The following GABRA5 variants were observed in gnomAD, a reference collection of about 807,000 sequenced individuals.
GABRA5 encodes the protein gamma-aminobutyric acid type A receptor subunit alpha5.
In GABRA5, 18 loss-of-function variants were observed where a neutral mutation model predicts 47.3. The observed-to-expected ratio is 0.38, with a 90% CI of 0.26 to 0.56. The LOEUF (loss-of-function observed/expected upper bound fraction) is 0.56. Among genes scored for constraint, GABRA5 ranks in the 20% least tolerant of loss-of-function variants. The probability of loss-of-function intolerance (pLI) is 0.71; values close to 1 mark genes in which losing one functional copy is unlikely to be tolerated. For missense variants in GABRA5, 365 were observed against 599.3 expected (o/e 0.61, Z 4.08); for synonymous variants, 237 against 229.3 (o/e 1.03, Z -0.30).
rs1894559974 is a variant in GABRA5, at chr15:26,948,153, T to C, written c.1309T>C (p.Phe437Leu). 1 of 1,613,830 alleles carries C rather than the reference T, an allele frequency of 6.2e-7. No individual in the cohort carries two copies. The change falls in exon 11 of 11, where the codon TTC becomes CTC. Residue 437 changes from phenylalanine (F) to leucine (L), a missense_variant. By Grantham distance (22) the Phe-to-Leu change is conservative (BLOSUM62 0). Around this residue, in one of 3 missense-constraint regions of GABRA5, gnomAD observed 106 missense variants for 130.3 expected, o/e 0.81. Transcript: ENST00000335625. ...GTCCCGAATCGTATTCCCAGTCTTGTTCGGCACTTTCAACTTAGTTTACTG... is the reference window on the plus strand; with the variant it reads ...GTCCCGAATCGTATTCCCAGTCTTGCTCGGCACTTTCAACTTAGTTTACTG... Reference protein sequence around the residue: ...KMSRIVFPVLFGTFNLVYWAT... With the variant: ...KMSRIVFPVLLGTFNLVYWAT...
At chr15:26,915,162 C>G (rs1233504297) in intron 7 of GABRA5, among the ~76,000 whole-genome samples, 1 of 152,206 alleles carries the variant, frequency 6.6e-6, no homozygotes, top group Non-Finnish European at 1.5e-5. Context: ...TGTTTCTCCT[C>G]AGATCTCAAC....
At chr15:26,868,013 G>A (rs1892363931) in intron 1 of GABRA5, 1 of 151,950 alleles carries the variant, frequency 6.6e-6, no homozygotes, top group Non-Finnish European at 1.5e-5. Flanking sequence ...CGGACCGCGC[G>A]GGTGGCGACC....
chr15:26,915,532 AAAATGTAATC>A (rs2140295498), intron 7 of GABRA5, among the ~76,000 whole-genome samples: 1 of 152,360 alleles, frequency 6.6e-6, no homozygotes, highest in Non-Finnish European at 1.5e-5. Context: ...GTCTTACAGG[AAAATGTAATC>A]CATTTTCTTT....
chr15:26,927,491 A>G (rs545745915), intron 7 of GABRA5, among the ~76,000 whole-genome samples: 13 of 152,316 alleles, frequency 8.5e-5, no homozygotes, highest in African/African-American at 2.9e-4. Flanking sequence ...TATTATTACT[A>G]TGAAAAACAA....
In GABRA5 at chr15:26,930,006, C is replaced by CTTTTTTTTTTTTTTTTT. The variant is rs72082419; in HGVS notation, c.581-7163_581-7162insTTTTTTTTTTTTTTTTT. Among the ~76,000 whole-genome samples, 18 of 113,376 alleles carry CTTTTTTTTTTTTTTTTT rather than the reference C, an allele frequency of 1.6e-4. 1 individual carries two copies. In the East Asian group the frequency reaches 2.1e-3, roughly 13 times the overall value. The allele number at this position is 113,376 out of a possible 152,430, so 74.4% of individuals were successfully genotyped here. On this transcript the variant is annotated intron_variant, in intron 7 of 10. Coordinates refer to ENST00000335625, the MANE Select transcript of GABRA5 (RefSeq NM_000810.4). ...CTTTCTTCTTCTTCTTCTTCTTCTTCTTTTTTTTTTTTTTTTGTTTTTTGT... is the reference window on the plus strand; with the variant it reads ...CTTTCTTCTTCTTCTTCTTCTTCTTCTTTTTTTTTTTTTTTTTTTTTTTTTTTTTTTTTGTTTTTTGT...
At chr15:26,937,977 G>A (rs1262987043) in intron 8 of GABRA5, among the ~76,000 whole-genome samples, 1 of 152,218 alleles carries the variant, frequency 6.6e-6, no homozygotes, top group African/African-American at 2.4e-5. Flanking sequence ...GAGCAAGGGA[G>A]GGGATTTTGA....
chr15:26,942,823 T>C (rs1289163476), intron 9 of GABRA5, among the ~76,000 whole-genome samples: 1 of 152,124 alleles, frequency 6.6e-6, no homozygotes, highest in Non-Finnish European at 1.5e-5. Context: ...CAGGCTGGGA[T>C]TAAAATCACC....
chr15:26,937,760 T>C (rs1288732685), intron 8 of GABRA5, among the ~76,000 whole-genome samples: 1 of 152,232 alleles, frequency 6.6e-6, no homozygotes, highest in Non-Finnish European at 1.5e-5. Flanking sequence ...AGGAAGCAGA[T>C]GCTCTCAATG....
At chr15:26,880,819 G>A (rs545741137) in intron 3 of GABRA5, 27 bp from the exon 4 acceptor site, 43 of 1,610,708 alleles carry the variant, frequency 2.7e-5, no homozygotes, top group Admixed American at 2.3e-4. Context: ...ATGTTTTAAC[G>A]CTTCCTCTTG....
intron 6 of GABRA5, among the ~76,000 whole-genome samples, chr15:26,908,643 T>C (rs1006770240): frequency 7.2e-5 from 11 of 152,216 alleles, no homozygotes; most frequent in Non-Finnish European, 1.6e-4. Flanking sequence ...TTCTGTAGCA[T>C]CAATCTTTAG....
chr15:26,939,149 C>T, intron 8 of GABRA5: 1 of 740,050 alleles, frequency 1.4e-6, no homozygotes, highest in East Asian at 2.4e-5. Context: ...TTCCCATCTC[C>T]CCAAGGTGAG....
chr15:26,895,812 C>CAAAA (rs376170037), intron 6 of GABRA5, among the ~76,000 whole-genome samples: 34 of 123,262 alleles, frequency 2.8e-4, no homozygotes, highest in African/African-American at 1.2e-3. Flanking sequence ...AAGACTCCGT[C>CAAAA]AAAAAAAAAA....
At chr15:26,875,384 T>A (rs1892570999) in intron 3 of GABRA5, among the ~76,000 whole-genome samples, 1 of 152,206 alleles carries the variant, frequency 6.6e-6, no homozygotes, top group Non-Finnish European at 1.5e-5. Flanking sequence ...CTGTTCCAGG[T>A]ACTGAGATGC....
At chr15:26,896,696 C>T (rs1405223310) in intron 6 of GABRA5, among the ~76,000 whole-genome samples, 2 of 151,664 alleles carry the variant, frequency 1.3e-5, no homozygotes, top group African/African-American at 4.8e-5. Flanking sequence ...TACACACTGG[C>T]CTAAAGATGT....
intron 7 of GABRA5, among the ~76,000 whole-genome samples, chr15:26,931,727 G>C (rs1894112232): frequency 6.6e-6 from 1 of 152,172 alleles, no homozygotes; most frequent in Admixed American, 6.5e-5. Context: ...ACCATGCTTT[G>C]AGCTGAATCT....
At chr15:26,906,983 ATCT>A (rs1340571055) in intron 6 of GABRA5, among the ~76,000 whole-genome samples, 18 of 152,348 alleles carry the variant, frequency 1.2e-4, no homozygotes, top group African/African-American at 4.1e-4. Context: ...AATTGCTGAC[ATCT>A]TCTTTTCAGT....
At chr15:26,922,111 T>C (rs986860499) in intron 7 of GABRA5, among the ~76,000 whole-genome samples, 1 of 152,208 alleles carries the variant, frequency 6.6e-6, no homozygotes, top group Non-Finnish European at 1.5e-5. Context: ...ATCTTGATTA[T>C]GATGGTGCTG....
intron 10 of GABRA5, among the ~76,000 whole-genome samples, chr15:26,943,935 G>A (rs1186975825): frequency 6.6e-6 from 1 of 152,150 alleles, no homozygotes; most frequent in Non-Finnish European, 1.5e-5. Flanking sequence ...GTATTTAAAG[G>A]ATGATTTATG....
At chr15:26,878,832 T>G (rs561570106) in intron 3 of GABRA5, among the ~76,000 whole-genome samples, 1 of 152,360 alleles carries the variant, frequency 6.6e-6, no homozygotes, top group African/African-American at 2.4e-5. Context: ...AGCATTCTAT[T>G]CCGTCACTGT....
Sources: allele counts gnomAD v4.1 joint callset (sites outside exome capture counted in the v4.1 genomes callset), GRCh38; gene constraint gnomAD v4.1.1; regional missense constraint gnomAD v4.1.1; transcripts MANE v1.5; gene names NCBI Gene and HGNC (gene_info 2026-07-23, HGNC 2026-07-21).